The following ZSCAN25 variants were observed in gnomAD, a reference collection of about 807,000 sequenced individuals.
ZSCAN25 encodes zinc finger and SCAN domain containing 25.
In ZSCAN25, 27 loss-of-function variants were observed where a neutral mutation model predicts 38.7. The ratio of observed to expected loss-of-function variants is 0.70; its 90% confidence interval spans 0.51 to 0.96. The LOEUF is 0.96. Ranked by LOEUF, ZSCAN25 falls within the 40% of genes least tolerant of loss-of-function variation. The pLI is 0.00. For synonymous variants in ZSCAN25, 273 were observed against 277.7 expected (o/e 0.98, Z 0.17); for missense variants, 637 against 705.9 (o/e 0.90, Z 1.11).
rs371264228 is a variant in ZSCAN25, at chr7:99,622,512, C to G, written c.590-37C>G. 9 of 1,590,808 alleles carry G rather than the reference C, an allele frequency of 5.7e-6. 1 individual carries two copies. In the East Asian group the frequency reaches 1.1e-4, roughly 20 times the overall value. On this transcript the variant is annotated intron_variant, in intron 5 of 7. Coordinates refer to ENST00000394152, the MANE Select transcript of ZSCAN25 (RefSeq NM_145115.3). ...GAGCTAACAGCATAACATCACTGAT[C>G]CTTCTGATCTTTCTCATGCTTTTTG...
chr7:99,644,286 G>C, the ZSCAN25 span, among the ~76,000 whole-genome samples: 48 of 152,224 alleles, frequency 3.2e-4, no homozygotes, highest in African/African-American at 1.1e-3. Flanking sequence ...CATTTGGGGT[G>C]CACTTGACTG....
the ZSCAN25 span, among the ~76,000 whole-genome samples, chr7:99,691,056 A>G: frequency 1.2e-4 from 19 of 152,232 alleles, no homozygotes; most frequent in African/African-American, 3.9e-4. Context: ...ATGTCCAACA[A>G]CGATAGACTG....
chr7:99,735,398 T>C, the ZSCAN25 span, among the ~76,000 whole-genome samples: 1 of 152,276 alleles, frequency 6.6e-6, no homozygotes, highest in East Asian at 1.9e-4. Context: ...ACTCAATCAA[T>C]GTTACTGGGG....
At chr7:99,657,668 G>C in the ZSCAN25 span, among the ~76,000 whole-genome samples, 1 of 152,122 alleles carries the variant, frequency 6.6e-6, no homozygotes, top group Non-Finnish European at 1.5e-5. Flanking sequence ...GATCTGTCTA[G>C]TGTTGACAGT....
chr7:99,684,040 G>A, the ZSCAN25 span, among the ~76,000 whole-genome samples: 16 of 152,226 alleles, frequency 1.1e-4, no homozygotes, highest in South Asian at 2.1e-4. Flanking sequence ...TGCAAGAGGT[G>A]TAAGAAAACA....
the ZSCAN25 span, chr7:99,731,302 A>G: frequency 7.8e-6 from 7 of 900,560 alleles, no homozygotes; most frequent in Non-Finnish European, 1.2e-5. Flanking sequence ...GGCAATGATT[A>G]TATTTGTTCA....
the ZSCAN25 span, among the ~76,000 whole-genome samples, chr7:99,681,372 T>C: frequency 6.6e-6 from 1 of 152,210 alleles, no homozygotes; most frequent in Non-Finnish European, 1.5e-5. Context: ...TTAATTTTAA[T>C]GTTTTGAGGA....
At chr7:99,724,019 TCACCTTCCCTGGGTGGCAAGTAC>T in the ZSCAN25 span, among the ~76,000 whole-genome samples, 51 of 152,094 alleles carry the variant, frequency 3.4e-4, no homozygotes, top group Non-Finnish European at 5.0e-4. Context: ...GTCACAAGTA[TCACCTTCCCTGGGTGGCAAGTAC>T]CACCTTCCCT....
the ZSCAN25 span, among the ~76,000 whole-genome samples, chr7:99,681,776 A>G: frequency 6.6e-6 from 1 of 152,068 alleles, no homozygotes; most frequent in Non-Finnish European, 1.5e-5. Flanking sequence ...CACTTTGTTG[A>G]TTGCTTTCTT....
the ZSCAN25 span, among the ~76,000 whole-genome samples, chr7:99,736,204 G>A: frequency 6.6e-6 from 1 of 152,170 alleles, no homozygotes; most frequent in South Asian, 2.1e-4. Flanking sequence ...TGCATGTCTG[G>A]AAACAGTAGG....
downstream of ZSCAN25, chr7:99,632,444 TC>T: frequency 8.3e-6 from 2 of 240,198 alleles, no homozygotes; most frequent in Non-Finnish European, 1.3e-5. Flanking sequence ...CCCGTCTTCC[TC>T]CCCCACTGAA....
the ZSCAN25 span, chr7:99,659,032 C>T: frequency 6.6e-6 from 1 of 152,228 alleles, no homozygotes; most frequent in Non-Finnish European, 1.5e-5. Context: ...TTCGAACTTC[C>T]TCCTTTAGCT....
the ZSCAN25 span, among the ~76,000 whole-genome samples, chr7:99,661,607 A>G: frequency 6.6e-6 from 1 of 152,258 alleles, no homozygotes; most frequent in Non-Finnish European, 1.5e-5. Context: ...TAGGACCTTT[A>G]GAGACCTGGA....
chr7:99,698,410 A>G, the ZSCAN25 span, among the ~76,000 whole-genome samples: 4 of 152,122 alleles, frequency 2.6e-5, no homozygotes, highest in Non-Finnish European at 5.9e-5. Flanking sequence ...TTGGAGTTCT[A>G]CCCTGAGAGC....
the ZSCAN25 span, chr7:99,638,459 C>T: frequency 6.5e-7 from 1 of 1,542,118 alleles, no homozygotes; most frequent in East Asian, 2.3e-5. Context: ...TAATGTGGTG[C>T]AGCTCCTGGC....
downstream of ZSCAN25, among the ~76,000 whole-genome samples, chr7:99,633,348 G>A (rs772856932): frequency 2.0e-4 from 31 of 152,090 alleles, no homozygotes; most frequent in South Asian, 8.3e-4. Flanking sequence ...TGCTTCTTTC[G>A]TTAGTTCTGT....
chr7:99,735,268 G>A, the ZSCAN25 span: 2 of 841,320 alleles, frequency 2.4e-6, no homozygotes, highest in South Asian at 3.1e-5. Flanking sequence ...CCAGTAGCAG[G>A]GCCCCCGTGC....
chr7:99,671,991 T>G, the ZSCAN25 span: 4 of 625,938 alleles, frequency 6.4e-6, no homozygotes, highest in South Asian at 7.5e-5. Flanking sequence ...AAAGTCAATT[T>G]CCTGTACTAT....
chr7:99,679,797 CAA>C, the ZSCAN25 span: 4 of 1,612,182 alleles, frequency 2.5e-6, no homozygotes, highest in Non-Finnish European at 3.4e-6. Context: ...TCCAAGGAAA[CAA>C]AGAGAGGAGT....
Sources: gnomAD v4.1 joint callset for allele counts (sites outside exome capture counted in the v4.1 genomes callset) on GRCh38, gnomAD v4.1.1 for gene constraint, MANE v1.5 for transcripts, NCBI Gene and HGNC (gene_info 2026-07-23, HGNC 2026-07-21) for gene names.